HEMK2: variants seen among roughly 807,000 people sequenced by gnomAD.
HEMK2 encodes the protein methyltransferase HEMK2.
chr21:28,835,945 A>C, the HEMK2 span, among the ~76,000 whole-genome samples: 1 of 152,216 alleles, frequency 6.6e-6, no homozygotes, highest in Admixed American at 6.5e-5. Flanking sequence ...ACAAAGAAAA[A>C]AAAAATGAGA....
chr21:28,838,993 A>G, the HEMK2 span, among the ~76,000 whole-genome samples: 9 of 78,274 alleles, frequency 1.1e-4, no homozygotes, highest in African/African-American at 6.3e-4. Flanking sequence ...ATATATATAT[A>G]TATATATACA....
chr21:28,841,288 A>ATATAACTATATAT, the HEMK2 span, among the ~76,000 whole-genome samples: 1 of 6,188 alleles, frequency 1.6e-4, no homozygotes. Flanking sequence ...TATATATAAT[A>ATATAACTATATAT]TATATTATAT....
the HEMK2 span, among the ~76,000 whole-genome samples, chr21:28,736,338 TCTTTGC>T: frequency 1.3e-5 from 2 of 152,218 alleles, no homozygotes; most frequent in Non-Finnish European, 2.9e-5. Context: ...AGCCTAGCTA[TCTTTGC>T]CTCCTGCTCC....
At chr21:28,707,319 G>C in the HEMK2 span, among the ~76,000 whole-genome samples, 1 of 146,474 alleles carries the variant, frequency 6.8e-6, no homozygotes, top group Non-Finnish European at 1.5e-5. Flanking sequence ...ACGGTGGCAT[G>C]ATCTCAGCTC....
the HEMK2 span, among the ~76,000 whole-genome samples, chr21:28,672,924 A>G: frequency 6.6e-6 from 1 of 151,942 alleles, no homozygotes; most frequent in South Asian, 2.1e-4. Flanking sequence ...TTCCTTCTAC[A>G]TGATAAACGC....
At chr21:28,875,823 T>C in the HEMK2 span, 1 of 152,296 alleles carries the variant, frequency 6.6e-6, no homozygotes, top group Non-Finnish European at 1.5e-5. Context: ...GGCCCTTGAA[T>C]TGTAGTCATA....
At chr21:28,859,084 T>C in the HEMK2 span, among the ~76,000 whole-genome samples, 1 of 152,158 alleles carries the variant, frequency 6.6e-6, no homozygotes, top group African/African-American at 2.4e-5. Context: ...TTTCCCTTTG[T>C]TGGTTGTTTG....
chr21:28,716,475 T>C, the HEMK2 span, among the ~76,000 whole-genome samples: 8 of 152,202 alleles, frequency 5.3e-5, no homozygotes, highest in Admixed American at 5.2e-4. Flanking sequence ...ATTTTTCTAC[T>C]TTGATTTTGT....
At chr21:28,788,681 T>A in the HEMK2 span, among the ~76,000 whole-genome samples, 44,030 of 126,440 alleles carry the variant, frequency 0.35, 6,594 homozygotes, top group East Asian at 0.44. Context: ...TATGGAAAAA[T>A]AAAATAAAAA....
the HEMK2 span, among the ~76,000 whole-genome samples, chr21:28,744,978 AAAT>A: frequency 6.6e-6 from 1 of 152,238 alleles, no homozygotes; most frequent in Non-Finnish European, 1.5e-5. Flanking sequence ...TTGAATTATA[AAAT>A]GTGTAGAGTC....
chr21:28,741,890 T>C, the HEMK2 span, among the ~76,000 whole-genome samples: 1 of 152,216 alleles, frequency 6.6e-6, no homozygotes, highest in East Asian at 1.9e-4. Flanking sequence ...TATAATAGAA[T>C]GATATATATT....
chr21:28,795,008 A>C, the HEMK2 span, among the ~76,000 whole-genome samples: 1 of 152,246 alleles, frequency 6.6e-6, no homozygotes, highest in South Asian at 2.1e-4. Flanking sequence ...TTCTGAACAA[A>C]TATATTCAAA....
chr21:28,825,560 G>C, the HEMK2 span, among the ~76,000 whole-genome samples: 58 of 152,326 alleles, frequency 3.8e-4, no homozygotes, highest in African/African-American at 1.3e-3. Flanking sequence ...GTACTAGGCA[G>C]ATAAACAAAA....
the HEMK2 span, among the ~76,000 whole-genome samples, chr21:28,639,101 T>C: frequency 6.6e-6 from 1 of 152,046 alleles, no homozygotes; most frequent in Non-Finnish European, 1.5e-5. Flanking sequence ...AGCCTAAAAA[T>C]GAGATAATGG....
chr21:28,868,451 G>A, the HEMK2 span, among the ~76,000 whole-genome samples: 1 of 152,322 alleles, frequency 6.6e-6, no homozygotes, highest in East Asian at 1.9e-4. Flanking sequence ...GGAGGCCGAG[G>A]TGGAAGGATC....
chr21:28,594,271 T>C, the HEMK2 span, among the ~76,000 whole-genome samples: 2 of 152,268 alleles, frequency 1.3e-5, no homozygotes, highest in Middle Eastern at 3.4e-3. Flanking sequence ...CGTGATATCA[T>C]GTATGAAATT....
At chr21:28,767,934 A>G in the HEMK2 span, among the ~76,000 whole-genome samples, 6 of 151,758 alleles carry the variant, frequency 4.0e-5, no homozygotes, top group African/African-American at 1.5e-4. Flanking sequence ...TAGCTTTTCT[A>G]TGTGCCCCTC....
the HEMK2 span, among the ~76,000 whole-genome samples, chr21:28,797,877 C>A: frequency 6.6e-6 from 1 of 152,124 alleles, no homozygotes; most frequent in African/African-American, 2.4e-5. Flanking sequence ...TATTGAGAGG[C>A]TTAAAGGAGC....
chr21:28,710,992 T>C, the HEMK2 span, among the ~76,000 whole-genome samples: 4 of 152,264 alleles, frequency 2.6e-5, no homozygotes, highest in South Asian at 4.1e-4. Context: ...GTGGCACCTA[T>C]ATGCTAAAAG....
Sources: allele counts gnomAD v4.1 joint callset (sites outside exome capture counted in the v4.1 genomes callset), GRCh38; gene constraint gnomAD v4.1.1; transcripts MANE v1.5; gene names NCBI Gene and HGNC (gene_info 2026-07-23, HGNC 2026-07-21).